Variants in PLEC observed in about 807,000 individuals in gnomAD.
PLEC encodes the protein hemidesmosomal protein 1.
A neutral mutation model predicts 392.8 loss-of-function variants in PLEC; 216 were observed. That is an observed-to-expected ratio of 0.55 (90% CI 0.49 to 0.62). The LOEUF (loss-of-function observed/expected upper bound fraction) is 0.62. Ranked by LOEUF, PLEC falls within the 20% of genes least tolerant of loss-of-function variation. The pLI is 0.00. For synonymous variants in PLEC, 3,621 were observed against 2,980.6 expected (o/e 1.21, Z -7.00); for missense variants, 6,863 against 6,563.4 (o/e 1.05, Z -1.58).
Position 143,939,590 on chromosome 8 carries a change from A to C in PLEC, c.-129T>G, listed in dbSNP as rs1731124258. 1.7e-5 allele frequency: 25 copies of C among 1,504,726 alleles called. No homozygotes were observed. Among genetic ancestry groups the C allele is most frequent in the Non-Finnish European group, 2.0e-5 (22 of 1,126,976 alleles). The allele number at this position is 1,504,726 out of a possible 1,614,324, so 93.2% of individuals were successfully genotyped here. A position where few individuals can be genotyped will look rare whatever the true frequency, so the allele number is the denominator to read the frequency against. ...CGCTCACTCGGCACAGGCTCAGCTC[A>C]GAGCCCCAGTCGGTGCGGCCACTCC... On this transcript the variant is annotated 5_prime_UTR_variant, in exon 1 of 32. Coordinates refer to ENST00000345136, the MANE Select transcript of PLEC (RefSeq NM_201384.3).
intron 1 of PLEC, among the ~76,000 whole-genome samples, chr8:143,939,003 C>T (rs1200586887): frequency 2.6e-5 from 4 of 152,226 alleles, no homozygotes; most frequent in South Asian, 4.1e-4. Flanking sequence ...CAGTCCCCCC[C>T]GGCCTCTACA....
chr8:143,952,210 G>GCACA (rs1439033003), upstream of PLEC, among the ~76,000 whole-genome samples: 666 of 95,106 alleles, frequency 7.0e-3, 5 homozygotes, highest in African/African-American at 0.031. Flanking sequence ...ACACACACAC[G>GCACA]CGCGCACACA....
Position 143,969,305 on chromosome 8 carries a change from GC to G in PLEC, c.70+4097del, listed in dbSNP as rs1282964666. 2.0e-5 allele frequency among the ~76,000 whole-genome samples: 3 copies of G among 152,172 alleles called. No individual in the cohort carries two copies. The highest frequency in any genetic ancestry group is 1.9e-4 in the East Asian group (1 of 5,198). ...CATTCCTGTCTGCCTGAGCCCCTCAGCCCCCCCATTCTCCCTGTCCCCCATC... is the reference window on the plus strand; with the variant it reads ...CATTCCTGTCTGCCTGAGCCCCTCAGCCCCCCATTCTCCCTGTCCCCCATC... On this transcript the variant is annotated intron_variant, in intron 1 of 31. Transcript: ENST00000356346. This position sits in a 1 kb window ranked among gnomAD's most constrained non-coding sequence, Gnocchi z 5.1.
Position 143,920,488 on chromosome 8 carries a change from C to A in PLEC, c.9333G>T (p.Gly3111=). The part of the protein sequence containing the change: ...AVTGYRDPYT[G]QSVSLFQALK... ...GGGCCTGGAACAGGGAGACGCTCTG[C>A]CCTGTGTAGGGGTCCCTGTACCCTG... The change falls in exon 32 of 32, where the codon GGG becomes GGT. Residue 3111 remains glycine, a synonymous_variant. Transcript: ENST00000345136. 2 of 1,608,408 alleles carry A rather than the reference C, an allele frequency of 1.2e-6. No homozygotes were observed. Among genetic ancestry groups the A allele is most frequent in the Non-Finnish European group, 1.7e-6 (2 of 1,178,130 alleles).
At chr8:143,964,714 A>C (rs2132896983) in intron 1 of PLEC, among the ~76,000 whole-genome samples, 1 of 152,272 alleles carries the variant, frequency 6.6e-6, no homozygotes, top group East Asian at 1.9e-4. Context: ...TATTCTGTAA[A>C]CAACCATGCA....
chr8:143,950,163 T>C, intron 1 of PLEC: 1 of 1,485,136 alleles, frequency 6.7e-7, no homozygotes, highest in South Asian at 1.4e-5. Flanking sequence ...CATCATGACT[T>C]GGGGTCAGGG....
At chr8:143,939,732 G>C, upstream of PLEC, 3 of 1,111,552 alleles carry the variant, frequency 2.7e-6, no homozygotes, top group Non-Finnish European at 3.6e-6. Context: ...CTCCCCCACA[G>C]ACACGCCCTC....
At chr8:143,949,447 C>A (rs1427420909) in intron 1 of PLEC, among the ~76,000 whole-genome samples, 1 of 152,174 alleles carries the variant, frequency 6.6e-6, no homozygotes, top group Non-Finnish European at 1.5e-5. Context: ...CAGAGGGAGG[C>A]CACAGAGAAG....
chr8:143,946,283 A>G, intron 1 of PLEC: 1 of 1,140,208 alleles, frequency 8.8e-7, no homozygotes, highest in Non-Finnish European at 1.2e-6. Context: ...GGGAAGAGAC[A>G]GGTCTGCCAG....
At chr8:143,947,673 C>T (rs1315668023) in intron 1 of PLEC, among the ~76,000 whole-genome samples, 1 of 152,192 alleles carries the variant, frequency 6.6e-6, no homozygotes, top group Admixed American at 6.5e-5. Context: ...TCGCTTCAAC[C>T]CGGGAGGCGG....
At chr8:143,967,991 G>A (rs1196513027) in intron 1 of PLEC, among the ~76,000 whole-genome samples, 1 of 152,024 alleles carries the variant, frequency 6.6e-6, no homozygotes, top group Admixed American at 6.6e-5. Context: ...AGCCAGGTGT[G>A]GTGGCGCACA....
chr8:143,928,268 C>T (rs573965756), intron 25 of PLEC, among the ~76,000 whole-genome samples: 3 of 152,226 alleles, frequency 2.0e-5, no homozygotes, highest in Non-Finnish European at 4.4e-5. Flanking sequence ...CGAGACAGGA[C>T]GAGCCCACTG....
chr8:143,934,267 G>A (rs1828316486), intron 11 of PLEC, 51 bp downstream of exon 11: 1 of 1,608,604 alleles, frequency 6.2e-7, no homozygotes, highest in East Asian at 2.2e-5. Context: ...TCCTTCCCAG[G>A]CAGTGACACA....
At chr8:143,974,600 G>A (rs905563803), upstream of PLEC, among the ~76,000 whole-genome samples, 29 of 152,288 alleles carry the variant, frequency 1.9e-4, no homozygotes, top group Non-Finnish European at 3.5e-4. This position sits in a 1 kb window ranked among gnomAD's most constrained non-coding sequence, Gnocchi z 5.9. Context: ...CCTGCCCTCC[G>A]GCTGGAACAG....
rs371682597 is a variant in PLEC, at chr8:143,969,784, G to A, written c.70+3619C>T. The stretch of plus-strand genomic sequence containing the variant: ...AGAGACTTTAGGTTGTCATGTTAGG[G>A]ATGGGAGTGGGGCTTAGGGGTGCTG... On this transcript the variant is annotated intron_variant, in intron 1 of 31. Coordinates refer to the PLEC transcript ENST00000356346. This position sits in a 1 kb window ranked among gnomAD's most constrained non-coding sequence, Gnocchi z 5.1. Among the ~76,000 whole-genome samples, 8 of 152,110 alleles carry A rather than the reference G, an allele frequency of 5.3e-5. No homozygotes were observed. The East Asian group carries it at 1.5e-3, about 29-fold the overall frequency.
Position 143,916,573 on chromosome 8 carries a change from C to G in PLEC, c.13248G>C (p.Thr4416=). Residue 4416 remains threonine (T), a synonymous_variant, in exon 32 of 32, where the codon ACG becomes ACC. Transcript: ENST00000345136. ...GCTTCTGTGCGGTGCGGGCGTCCAC[C>G]GTGCCGCGCTGCAGGGCCTCGTCCA... The part of the protein sequence containing the change: ...VPLDEALQRG[T]VDARTAQKLR... The G allele has an allele frequency of 1.2e-6, 2 of 1,611,542 alleles. No individual in the cohort carries two copies. Among genetic ancestry groups the G allele is most frequent in the Non-Finnish European group, 1.7e-6 (2 of 1,179,562 alleles).
intron 1 of PLEC, among the ~76,000 whole-genome samples, chr8:143,960,886 C>G (rs187989826): frequency 2.0e-5 from 3 of 152,354 alleles, no homozygotes; most frequent in Admixed American, 2.0e-4. Context: ...CCTTTTAACA[C>G]AAACGGTGAA....
upstream of PLEC, among the ~76,000 whole-genome samples, chr8:143,958,281 C>T (rs1264828168): frequency 5.3e-5 from 8 of 152,108 alleles, no homozygotes; most frequent in African/African-American, 1.4e-4. The surrounding 1 kb of genome is among the most constrained non-coding windows in gnomAD (Gnocchi z 4.9). Flanking sequence ...GCCACCACTG[C>T]GGGACTGGAT....
In PLEC at chr8:143,922,559, C is replaced by G. The variant is rs199504105; in HGVS notation, c.7370G>C (p.Arg2457Pro). The change falls in exon 31 of 32, where the codon CGT becomes CCT. Residue 2457 changes from arginine (R) to proline (P), a missense_variant. Coordinates refer to ENST00000345136, the MANE Select transcript of PLEC (RefSeq NM_201384.3). ...RLREAIAELE[R>P]EKEKLQQEAK... ...CTCCTGTTGGAGCTTCTCCTTCTCA[C>G]GCTCCAGCTCAGCGATGGCCTCCCG... The G allele has an allele frequency of 4.2e-4, 672 of 1,613,184 alleles. No individual in the cohort carries two copies. Among genetic ancestry groups the G allele is most frequent in the Non-Finnish European group, 5.6e-4 (658 of 1,179,988 alleles).
Sources: allele counts gnomAD v4.1 joint callset (sites outside exome capture counted in the v4.1 genomes callset), GRCh38; gene constraint gnomAD v4.1.1; non-coding constraint Gnocchi (gnomAD v3.1); transcripts MANE v1.5; gene names NCBI Gene and HGNC (gene_info 2026-07-23, HGNC 2026-07-21).